Variants in PATL2 observed in about 807,000 individuals in gnomAD.
PATL2 encodes the protein PAT1 homolog 2, also known as protein PAT1 homolog 2.
PATL2 carries 73 observed loss-of-function variants against 77.0 expected under a neutral mutation model. The ratio of observed to expected loss-of-function variants is 0.95; its 90% CI spans 0.78 to 1.15. The LOEUF is 1.15. PATL2 is among the 50% of genes most tolerant of loss of function. PATL2 has a pLI of 0.00. For synonymous variants in PATL2, 265 were observed against 257.1 expected (o/e 1.03, Z -0.29); for missense variants, 618 against 655.4 (o/e 0.94, Z 0.62).
At position 44,676,457 on chromosome 15, in the gene PATL2, C is replaced by T. The variant is rs773052832; in HGVS notation, c.16+18G>A. On this transcript the variant is annotated intron_variant, in intron 4 of 17. Coordinates refer to ENST00000682850, the MANE Select transcript of PATL2 (RefSeq NM_001387263.1). The stretch of plus-strand genomic sequence containing the variant: ...TGCTGGGGCATTTTATATAACATCA[C>T]GGCCCACTTGTTGATACCTTCAAGG... 1.6e-5 allele frequency: 24 copies of T among 1,541,456 alleles called. No homozygotes were observed. Among genetic ancestry groups the T allele is most frequent in the East Asian group, 2.4e-5 (1 of 40,878 alleles).
rs1261602458 is a variant in PATL2 at position 44,669,315 on chromosome 15, G to T, written c.1029C>A (p.Phe343Leu). 1 of 1,551,576 alleles carries T rather than the reference G, an allele frequency of 6.4e-7. No homozygotes were observed. Among genetic ancestry groups the T allele is most frequent in the South Asian group, 1.2e-5 (1 of 84,058 alleles). ...TCTGCTCCTGGGTCTTTAAGGTCTGGAAGAGCTTCTCAACCTGGTTGCTTT... is the reference window on the plus strand; with the variant it reads ...TCTGCTCCTGGGTCTTTAAGGTCTGTAAGAGCTTCTCAACCTGGTTGCTTT... ...EQQSNQVEKL[F>L]QTLKTQEQNN... Residue 343 changes from phenylalanine to leucine, a missense_variant, in exon 13 of 18, where the codon TTC becomes TTA. Physicochemically the swap from Phe to Leu is conservative, Grantham distance 22 (BLOSUM62 0). Transcript: ENST00000682850.
chr15:44,666,626 A>C, intron 16 of PATL2, 85 bp from the exon 17 acceptor site: 2 of 1,354,240 alleles, frequency 1.5e-6, no homozygotes, highest in Non-Finnish European at 2.0e-6. Context: ...TCTTTCCGTT[A>C]CTACTACCAT....
chr15:44,674,319 G>T, intron 5 of PATL2, 89 bp from the exon 6 acceptor site: 1 of 1,012,532 alleles, frequency 9.9e-7, no homozygotes, highest in Non-Finnish European at 1.4e-6. Context: ...GTGGGAGGAA[G>T]CAGCAAGACC....
intron 3 of PATL2, among the ~76,000 whole-genome samples, chr15:44,704,005 T>G (rs2086683861): frequency 6.6e-6 from 1 of 151,888 alleles, no homozygotes; most frequent in African/African-American, 2.4e-5. Flanking sequence ...GGACTTTTTT[T>G]GAGATGGGGA....
Position 44,671,914 on chromosome 15 carries a change from G to C in PATL2, c.657+101C>G, listed in dbSNP as rs1371916152. On this transcript the variant is annotated intron_variant, in intron 9 of 17. Coordinates refer to ENST00000682850, the MANE Select transcript of PATL2 (RefSeq NM_001387263.1). ...AGTGATTCTCTCTCCCACCTGAACA[G>C]ACATGACCTCTATGAGCCGAAGAGA... is the stretch of plus-strand genomic sequence containing the variant. 6 of 1,419,670 alleles carry C rather than the reference G, an allele frequency of 4.2e-6. No individual in the cohort carries two copies. In the South Asian group the frequency reaches 8.1e-5, roughly 19 times the overall value. 87.9% of individuals were successfully genotyped at this position (1,419,670 alleles called of 1,614,324 possible). A position where few individuals can be genotyped will look rare whatever the true frequency, so the allele number is the denominator to read the frequency against.
In PATL2 at chr15:44,669,375, C is replaced by A; in HGVS notation, c.969G>T (p.Lys323Asn). Residue 323 changes from lysine (K) to asparagine (N), a missense_variant, in exon 13 of 18, where the codon AAG (lysine) becomes AAT (asparagine). Physicochemically the swap from Lys to Asn is moderately conservative, Grantham distance 94. Coordinates refer to ENST00000682850, the MANE Select transcript of PATL2 (RefSeq NM_001387263.1). ...LQLLEIEEGW[K>N]YRPPPPCFSE... The stretch of plus-strand genomic sequence containing the variant: ...AAAAGCAGGGCGGTGGAGGCCTATA[C>A]TTCCAGCCTTCCTCTATTTCTAGTA... 6.4e-7 allele frequency: 1 copy of A among 1,551,566 alleles called. No homozygotes were observed.
Position 44,668,419 on chromosome 15 carries a change from G to GGA in PATL2, c.1286_1287dup (p.Leu430SerfsTer8). On this transcript the variant is annotated frameshift_variant, in exon 15 of 18. Transcript: ENST00000682850. LOFTEE classifies it high-confidence loss of function. Reference sequence around the variant, plus strand: ...AGCGTTAATCCCTGAAGTCCTTGGAGGAGTTCGTGGAGGGTCAAGTGACTA... The same window carrying GGA: ...AGCGTTAATCCCTGAAGTCCTTGGAGGAGAGTTCGTGGAGGGTCAAGTGACTA... The GGA allele has an allele frequency of 6.4e-7, 1 of 1,551,408 alleles. No homozygotes were observed. Among genetic ancestry groups the GGA allele is most frequent in the Admixed American group, 2.0e-5 (1 of 50,998 alleles).
chr15:44,666,408 G>A lies in PATL2; in HGVS notation c.1597C>T (p.Leu533=). ...HHVDKQLVQQ[L]EARMEFAWIY ...ATTACTTACTCCATCCTGGCCTCCAGCTGCTGAACCAATTGTTTGTCCACG... is the reference window on the plus strand; with the variant it reads ...ATTACTTACTCCATCCTGGCCTCCAACTGCTGAACCAATTGTTTGTCCACG... Residue 533 remains leucine, a synonymous_variant, in exon 17 of 18, where the codon CTG becomes TTG. Transcript: ENST00000682850. 6.4e-7 allele frequency: 1 copy of A among 1,551,712 alleles called. No individual in the cohort carries two copies. Among genetic ancestry groups the A allele is most frequent in the South Asian group, 1.2e-5 (1 of 84,062 alleles).
intron 11 of PATL2, 52 bp downstream of exon 11, chr15:44,669,725 G>A: frequency 6.5e-7 from 1 of 1,537,946 alleles, no homozygotes; most frequent in Non-Finnish European, 8.8e-7. Flanking sequence ...GAATGTTCTA[G>A]ACCCTTCTTC....
At chr15:44,682,481 A>C (rs1384867997) in intron 3 of PATL2, among the ~76,000 whole-genome samples, 1 of 152,226 alleles carries the variant, frequency 6.6e-6, no homozygotes, top group African/African-American at 2.4e-5. Flanking sequence ...TCTGGAACAG[A>C]GTAGGTTCTT....
chr15:44,688,733 T>A (rs1051602618), intron 3 of PATL2, among the ~76,000 whole-genome samples: 4 of 152,260 alleles, frequency 2.6e-5, no homozygotes, highest in Non-Finnish European at 5.9e-5. Flanking sequence ...AAGACTTAAA[T>A]GTAAGATTGA....
At chr15:44,684,127 A>G (rs908823665) in intron 3 of PATL2, among the ~76,000 whole-genome samples, 1 of 152,140 alleles carries the variant, frequency 6.6e-6, no homozygotes, top group African/African-American at 2.4e-5. Context: ...AGATAAATCC[A>G]TGAAGATGAG....
At chr15:44,673,569 T>G (rs899180346) in intron 6 of PATL2, among the ~76,000 whole-genome samples, 192 bp from the exon 7 acceptor site, 1 of 152,210 alleles carries the variant, frequency 6.6e-6, no homozygotes. Flanking sequence ...TCAACAGGGC[T>G]TGACTAGGAA....
chr15:44,707,262 C>T (rs1293248853), intron 3 of PATL2, among the ~76,000 whole-genome samples: 1 of 151,986 alleles, frequency 6.6e-6, no homozygotes, highest in Non-Finnish European at 1.5e-5. Context: ...GTGGCCAAGT[C>T]CCCTTTACTC....
intron 3 of PATL2, among the ~76,000 whole-genome samples, chr15:44,696,628 C>A (rs531149035): frequency 6.6e-6 from 1 of 152,082 alleles, no homozygotes; most frequent in Non-Finnish European, 1.5e-5. Context: ...CTTTCATTCT[C>A]CCCCAAATAA....
In PATL2 at chr15:44,673,202, C is replaced by G. The variant is rs886333093; in HGVS notation, c.446+33G>C. 3.2e-6 allele frequency: 5 copies of G among 1,549,250 alleles called. No homozygotes were observed. The African/African-American group carries it at 6.8e-5, about 21-fold the overall frequency. On this transcript the variant is annotated intron_variant, in intron 7 of 17. Coordinates refer to ENST00000682850, the MANE Select transcript of PATL2 (RefSeq NM_001387263.1). ...CCCGCCCCTCCTCAGCCAGCACCTC[C>G]TGAGACCTCTGGGGAGAACCTCAAA...
rs114686970 is a variant in PATL2, at chr15:44,667,955, A to G, written c.1365+387T>C. ...GAGACTATCTAAAAAATAAAAAAAG[A>G]AAATATTTATTATGTACCTATTATT... On this transcript the variant is annotated intron_variant, in intron 15 of 17. Coordinates refer to ENST00000682850, the MANE Select transcript of PATL2 (RefSeq NM_001387263.1). Among the ~76,000 whole-genome samples the G allele has an allele frequency of 8.7e-3, 1,322 of 152,308 alleles. 21 individuals carry two copies. The highest frequency in any genetic ancestry group is 0.03 in the African/African-American group (1,230 of 41,574).
chr15:44,701,907 G>A (rs2086638479), intron 3 of PATL2, among the ~76,000 whole-genome samples: 1 of 151,832 alleles, frequency 6.6e-6, no homozygotes, highest in Admixed American at 6.6e-5. Context: ...GTGGTGGGGG[G>A]AGGTGTCACA....
rs996169604 is a variant in PATL2, at chr15:44,692,763, C to G, written c.-75-16198G>C. 3.9e-5 allele frequency among the ~76,000 whole-genome samples: 6 copies of G among 152,274 alleles called. No homozygotes were observed. In the South Asian group the frequency reaches 1.0e-3, roughly 26 times the overall value. ...TGGGGGCTGGAGGCCCCTCCTCTTA[C>G]TCTTGTTCCTCTTCAACACTGGCAA... On this transcript the variant is annotated intron_variant, in intron 3 of 17. Coordinates refer to ENST00000682850, the MANE Select transcript of PATL2 (RefSeq NM_001387263.1).
Sources: allele counts gnomAD v4.1 joint callset (sites outside exome capture counted in the v4.1 genomes callset), GRCh38; gene constraint gnomAD v4.1.1; transcripts MANE v1.5; gene names NCBI Gene and HGNC (gene_info 2026-07-23, HGNC 2026-07-21).